SYN3: variants seen among roughly 807,000 people sequenced by gnomAD.
SYN3 encodes the protein synapsin III, also known as synapsin-3.
SYN3 carries 35 observed loss-of-function variants against 65.8 expected under a neutral mutation model. The observed-to-expected ratio is 0.53, with a 90% CI of 0.41 to 0.70. The LOEUF is 0.70. Among genes scored for constraint, SYN3 ranks in the 30% least tolerant of loss-of-function variants. SYN3 has a pLI of 0.00. For synonymous variants in SYN3, 270 were observed against 292.9 expected (o/e 0.92, Z 0.80); for missense variants, 680 against 749.0 (o/e 0.91, Z 1.08).
rs992366148 is a variant in SYN3, at chr22:33,041,415, C to T, written c.-163+16877G>A. ...ACGCCATTCTGCTGCTTCAGCCTCC[C>T]GAGCAGCTGGGACTACAGCTGGGTG... On this transcript the variant is annotated intron_variant, in intron 1 of 13. Coordinates refer to ENST00000358763, the MANE Select transcript of SYN3 (RefSeq NM_003490.4). Among the ~76,000 whole-genome samples, 7 of 152,016 alleles carry T rather than the reference C, an allele frequency of 4.6e-5. 1 individual carries two copies. Among genetic ancestry groups the T allele is most frequent in the East Asian group, 3.9e-4 (2 of 5,152 alleles).
chr22:32,810,416 C>T (rs1237112699), intron 6 of SYN3, among the ~76,000 whole-genome samples: 1 of 151,926 alleles, frequency 6.6e-6, no homozygotes, highest in Non-Finnish European at 1.5e-5. Context: ...CCTGCAGCCA[C>T]CTGGCTTTTT....
chr22:32,861,232 C>A (rs1569283625), intron 6 of SYN3: 1 of 151,608 alleles, frequency 6.6e-6, no homozygotes, highest in Non-Finnish European at 1.5e-5. Context: ...CACACAAGTG[C>A]CCAGGCAAGG....
chr22:32,847,190 G>T (rs1244675466), intron 6 of SYN3, among the ~76,000 whole-genome samples: 1 of 152,218 alleles, frequency 6.6e-6, no homozygotes, highest in Non-Finnish European at 1.5e-5. Context: ...TGGCAGACAT[G>T]CCTCTGCACG....
chr22:32,803,916 A>C (rs2145942262), intron 6 of SYN3, among the ~76,000 whole-genome samples: 1 of 152,244 alleles, frequency 6.6e-6, no homozygotes, highest in Admixed American at 6.5e-5. Flanking sequence ...CTACCCTAAA[A>C]ATTGACCACG....
chr22:32,804,761 GAGA>G (rs1486149730), intron 6 of SYN3, among the ~76,000 whole-genome samples: 3 of 152,316 alleles, frequency 2.0e-5, no homozygotes, highest in Admixed American at 6.5e-5. Context: ...AAGTGTTTAG[GAGA>G]AGAATAAACT....
chr22:32,663,130 G>A (rs2060238493), intron 6 of SYN3, among the ~76,000 whole-genome samples: 1 of 152,182 alleles, frequency 6.6e-6, no homozygotes, highest in African/African-American at 2.4e-5. Context: ...AATAAAAACA[G>A]TTGAGTTAGT....
intron 6 of SYN3, among the ~76,000 whole-genome samples, chr22:32,728,638 G>A (rs1025932553): frequency 1.3e-5 from 2 of 152,164 alleles, no homozygotes; most frequent in African/African-American, 2.4e-5. Context: ...CAAGAGGTTG[G>A]GGGAGTCATG....
chr22:32,521,506 G>A (rs1478708604), intron 12 of SYN3, among the ~76,000 whole-genome samples: 9 of 148,484 alleles, frequency 6.1e-5, no homozygotes, highest in East Asian at 2.0e-4. Flanking sequence ...GTGCAGTGGC[G>A]CGATCTCGGC....
At chr22:32,514,019 C>T (rs146490714) in intron 13 of SYN3, among the ~76,000 whole-genome samples, 195 bp from the exon 14 acceptor site, 1 of 152,254 alleles carries the variant, frequency 6.6e-6, no homozygotes, top group Non-Finnish European at 1.5e-5. Flanking sequence ...TTATTTTCCC[C>T]ATTTCTTAGG....
At chr22:32,560,569 T>C (rs575254078) in intron 7 of SYN3, among the ~76,000 whole-genome samples, 281 of 152,208 alleles carry the variant, frequency 1.8e-3, no homozygotes, top group African/African-American at 6.6e-3. Flanking sequence ...AGGTGCGACA[T>C]TGACGTGTGT....
chr22:32,807,489 G>A (rs1431634277), intron 6 of SYN3, among the ~76,000 whole-genome samples: 1 of 142,702 alleles, frequency 7.0e-6, no homozygotes. Flanking sequence ...CAGCTAATAA[G>A]TATAGAGTGA....
intron 6 of SYN3, among the ~76,000 whole-genome samples, chr22:32,734,138 T>C (rs1292904592): frequency 6.6e-6 from 1 of 152,136 alleles, no homozygotes; most frequent in Non-Finnish European, 1.5e-5. Context: ...ACAGAGGCAA[T>C]CCCTCATCTG....
In SYN3 at chr22:32,649,275, G is replaced by A. The variant is rs116611806; in HGVS notation, c.712-52539C>T. On this transcript the variant is annotated intron_variant, in intron 6 of 13. Coordinates refer to ENST00000358763, the MANE Select transcript of SYN3 (RefSeq NM_003490.4). ...TGGCTAGCTTGCTGGTCCACTCAGC[G>A]CCAGGCCTAGAGCAGCCAATTCCCA... 4.4e-3 allele frequency among the ~76,000 whole-genome samples: 671 copies of A among 152,290 alleles called. 2 individuals carry two copies. Among genetic ancestry groups the A allele is most frequent in the African/African-American group, 0.015 (633 of 41,556 alleles).
At chr22:32,996,396 T>G (rs964767243) in intron 2 of SYN3, among the ~76,000 whole-genome samples, 1 of 152,084 alleles carries the variant, frequency 6.6e-6, no homozygotes, top group African/African-American at 2.4e-5. Context: ...ACTGGACACT[T>G]CATAACATCC....
chr22:32,749,638 C>T (rs1307352356), intron 6 of SYN3, among the ~76,000 whole-genome samples: 1 of 152,078 alleles, frequency 6.6e-6, no homozygotes, highest in Non-Finnish European at 1.5e-5. Context: ...GAGACTTCAT[C>T]TCAACAACAA....
intron 4 of SYN3, among the ~76,000 whole-genome samples, chr22:32,919,572 A>G (rs1471764232): frequency 1.3e-5 from 2 of 152,210 alleles, no homozygotes; most frequent in African/African-American, 4.8e-5. Flanking sequence ...ACTGTGTTCT[A>G]TGTAATGTTT....
chr22:33,053,660 G>A (rs963431012), intron 1 of SYN3, among the ~76,000 whole-genome samples: 2 of 152,114 alleles, frequency 1.3e-5, no homozygotes, highest in African/African-American at 4.8e-5. Flanking sequence ...TCTTTCTTGG[G>A]CTAATTCCCT....
intron 5 of SYN3, among the ~76,000 whole-genome samples, chr22:32,868,500 G>T (rs2048750632): frequency 6.6e-6 from 1 of 151,746 alleles, no homozygotes; most frequent in East Asian, 1.9e-4. Flanking sequence ...GAGTGCAACG[G>T]CACGATCTCG....
chr22:32,700,161 C>A (rs940062339), intron 6 of SYN3, among the ~76,000 whole-genome samples: 5 of 152,110 alleles, frequency 3.3e-5, no homozygotes, highest in African/African-American at 9.7e-5. Context: ...TTGACTCCTC[C>A]CTCCTTTGGG....
Sources: allele counts gnomAD v4.1 joint callset (sites outside exome capture counted in the v4.1 genomes callset), GRCh38; gene constraint gnomAD v4.1.1; transcripts MANE v1.5; gene names NCBI Gene and HGNC (gene_info 2026-07-23, HGNC 2026-07-21).